The following TMEM130 variants were observed in gnomAD, a reference collection of about 807,000 sequenced individuals.
TMEM130 encodes transmembrane protein 130.
TMEM130 carries 37 observed loss-of-function variants against 42.9 expected under a neutral mutation model. The ratio of observed to expected loss-of-function variants is 0.86; its 90% confidence interval spans 0.66 to 1.13. The LOEUF (loss-of-function observed/expected upper bound fraction) is 1.13. Among genes scored for constraint, TMEM130 ranks in the 50% most tolerant of loss-of-function variants. The probability of loss-of-function intolerance (pLI) is 0.00; values close to 1 mark genes in which losing one functional copy is unlikely to be tolerated. For synonymous variants in TMEM130, 259 were observed against 237.7 expected, an observed-to-expected ratio of 1.09 and a Z score of -0.82; for missense variants, 545 against 562.6, an observed-to-expected ratio of 0.97 and a Z score of 0.32.
At chr7:98,853,016 A>G (rs1794546640) in intron 5 of TMEM130, among the ~76,000 whole-genome samples, 2 of 152,308 alleles carry the variant, frequency 1.3e-5, no homozygotes, top group South Asian at 4.1e-4. Flanking sequence ...ATTCCAAGTT[A>G]TCCACATTCC....
At chr7:98,859,243 C>A (rs1413444960) in intron 3 of TMEM130, among the ~76,000 whole-genome samples, 1 of 151,658 alleles carries the variant, frequency 6.6e-6, no homozygotes, top group East Asian at 1.9e-4. Flanking sequence ...CCAGCCTTGG[C>A]AACATAGCAA....
chr7:98,861,570 C>T (rs1045073145), intron 2 of TMEM130, among the ~76,000 whole-genome samples: 1 of 151,990 alleles, frequency 6.6e-6, no homozygotes, highest in Non-Finnish European at 1.5e-5. Context: ...CAAAAATTAG[C>T]TGGGTGTGGT....
chr7:98,859,501 G>T (rs1794706651), intron 3 of TMEM130, among the ~76,000 whole-genome samples: 1 of 152,126 alleles, frequency 6.6e-6, no homozygotes, highest in Admixed American at 6.6e-5. Flanking sequence ...TGATTCACCA[G>T]TGTTCTCCGG....
chr7:98,857,733 T>G (rs1178510300), intron 3 of TMEM130, among the ~76,000 whole-genome samples: 4 of 148,170 alleles, frequency 2.7e-5, no homozygotes, highest in Non-Finnish European at 6.0e-5. Context: ...CTTTTTTTTT[T>G]TTTTTTTTTG....
chr7:98,863,613 C>T (rs1386524351), intron 1 of TMEM130, among the ~76,000 whole-genome samples: 1 of 151,262 alleles, frequency 6.6e-6, no homozygotes, highest in Admixed American at 6.6e-5. Context: ...TCTTATTTCC[C>T]CTTCCTTCCT....
chr7:98,862,391 T>C (rs1024696284), intron 2 of TMEM130, among the ~76,000 whole-genome samples: 1 of 139,368 alleles, frequency 7.2e-6, no homozygotes, highest in African/African-American at 2.8e-5. Context: ...CAGACAGAGA[T>C]AGAACAGAGA....
At chr7:98,850,156 C>G (rs1270596920) in intron 6 of TMEM130, among the ~76,000 whole-genome samples, 2 of 148,596 alleles carry the variant, frequency 1.3e-5, no homozygotes, top group Admixed American at 1.4e-4. Flanking sequence ...CTCAAGTGAT[C>G]TACCACATCA....
intron 6 of TMEM130, among the ~76,000 whole-genome samples, chr7:98,849,778 C>T (rs1794445534): frequency 6.6e-6 from 1 of 152,134 alleles, no homozygotes; most frequent in Non-Finnish European, 1.5e-5. Context: ...GACATCCAGT[C>T]TTGTTGCCTC....
rs1189286704 is a variant in TMEM130, at chr7:98,847,167, C to G, written c.*889G>C. 1.3e-5 allele frequency: 2 copies of G among 152,188 alleles called. No homozygotes were observed. Among genetic ancestry groups the G allele is most frequent in the Non-Finnish European group, 2.9e-5 (2 of 68,038 alleles). 9.4% of individuals were successfully genotyped at this position (152,188 alleles called of 1,614,324 possible). On this transcript the variant is annotated 3_prime_UTR_variant, in exon 8 of 8. Coordinates refer to ENST00000339375, the MANE Select transcript of TMEM130 (RefSeq NM_152913.3). ...CCACCGCGCCCGGCCTTGACTCAAC[C>G]TCTTCTACCGCTGCAAGGCCTTTTC...
chr7:98,860,237 C>T lies in TMEM130; in HGVS notation c.493G>A (p.Asp165Asn), dbSNP rs781821788. The T allele has an allele frequency of 9.3e-6, 15 of 1,613,760 alleles. No individual in the cohort carries two copies. Among genetic ancestry groups the T allele is most frequent in the South Asian group, 5.5e-5 (5 of 91,054 alleles). Residue 165 changes from aspartate (D) to asparagine (N), a missense_variant, in exon 3 of 8, where the codon GAC becomes AAC. Physicochemically the swap from Asp to Asn is conservative, Grantham distance 23. Coordinates refer to ENST00000339375, the MANE Select transcript of TMEM130 (RefSeq NM_152913.3). The part of the protein sequence containing the change: ...TVLKVSFLLH[D>N]PSNFLKTALF... Reference sequence around the variant, plus strand: ...GCGGTCTTGAGGAAGTTGCTCGGGTCGTGGAGGAGGAAGGAGACTTTCAGG... The same window carrying T: ...GCGGTCTTGAGGAAGTTGCTCGGGTTGTGGAGGAGGAAGGAGACTTTCAGG...
chr7:98,848,007 C>G lies in TMEM130; in HGVS notation c.*49G>C. The G allele has an allele frequency of 6.4e-7, 1 of 1,570,754 alleles. No homozygotes were observed. The highest frequency in any genetic ancestry group is 8.7e-7 in the Non-Finnish European group (1 of 1,152,860). On this transcript the variant is annotated 3_prime_UTR_variant, in exon 8 of 8. Transcript: ENST00000339375. ...GGTGCACACCACCCTGCTGGAAACTCCAAGTCAGCAGTCAGTTAACACTGA... is the reference window on the plus strand; with the variant it reads ...GGTGCACACCACCCTGCTGGAAACTGCAAGTCAGCAGTCAGTTAACACTGA...
At chr7:98,853,800 A>G (rs1313015033) in intron 5 of TMEM130, among the ~76,000 whole-genome samples, 1 of 152,208 alleles carries the variant, frequency 6.6e-6, no homozygotes. Flanking sequence ...AGCCTGGGTC[A>G]GGCTGCCTTG....
intron 7 of TMEM130, 99 bp from the exon 8 acceptor site, chr7:98,848,307 T>C: frequency 6.8e-7 from 1 of 1,461,722 alleles, no homozygotes; most frequent in Admixed American, 2.0e-5. Flanking sequence ...CAGGTGGCCT[T>C]ATGAGCTCAG....
intron 6 of TMEM130, among the ~76,000 whole-genome samples, chr7:98,851,003 G>A (rs541466367): frequency 5.3e-5 from 8 of 152,258 alleles, no homozygotes; most frequent in Admixed American, 1.3e-4. Flanking sequence ...GGGTAGGGTC[G>A]GGGTCATTGA....
chr7:98,864,499 G>A (rs1794865646), intron 1 of TMEM130, among the ~76,000 whole-genome samples: 1 of 148,394 alleles, frequency 6.7e-6, no homozygotes, highest in Admixed American at 6.9e-5. Context: ...TTACAGGCAT[G>A]AGCCAGCGTC....
chr7:98,864,792 C>T (rs1794871679), intron 1 of TMEM130, among the ~76,000 whole-genome samples: 1 of 152,120 alleles, frequency 6.6e-6, no homozygotes, highest in Admixed American at 6.5e-5. Flanking sequence ...CCCAGCTACT[C>T]AGGAGGCTGA....
chr7:98,854,964 A>G (rs1440168211), intron 5 of TMEM130, among the ~76,000 whole-genome samples: 13 of 152,216 alleles, frequency 8.5e-5, no homozygotes, highest in African/African-American at 1.4e-4. Context: ...TGAACCAGGG[A>G]GGCAGAGGTC....
chr7:98,860,942 C>CAA (rs3066865), intron 2 of TMEM130, among the ~76,000 whole-genome samples: 56 of 69,422 alleles, frequency 8.1e-4, no homozygotes, highest in African/African-American at 2.1e-3. Flanking sequence ...GACTCTGTCT[C>CAA]AAAAAAAAAA....
rs770804964 is a variant in TMEM130 at position 98,869,410 on chromosome 7, G to A, written c.85+367C>T. On this transcript the variant is annotated intron_variant, in intron 1 of 7. Transcript: ENST00000339375. The surrounding 1 kb of genome is among the most constrained non-coding windows in gnomAD (Gnocchi z 4.7). ...GACTGGGGAATTGTGGCGCGATGAC[G>A]GACCCTGGCGCATCCCCGCCTCCCT... 1.2e-5 allele frequency: 15 copies of A among 1,200,822 alleles called. No homozygotes were observed. Among genetic ancestry groups the A allele is most frequent in the Non-Finnish European group, 1.5e-5 (14 of 954,300 alleles). 74.4% of individuals were successfully genotyped at this position (1,200,822 alleles called of 1,614,324 possible). A position where few individuals can be genotyped will look rare whatever the true frequency, so the allele number is the denominator to read the frequency against.
Sources: allele counts gnomAD v4.1 joint callset (sites outside exome capture counted in the v4.1 genomes callset), GRCh38; gene constraint gnomAD v4.1.1; non-coding constraint Gnocchi (gnomAD v3.1); transcripts MANE v1.5; gene names NCBI Gene and HGNC (gene_info 2026-07-23, HGNC 2026-07-21).